DYM: variants seen among roughly 807,000 people sequenced by gnomAD.
The protein encoded by DYM is dymeclin.
A neutral mutation model predicts 93.1 loss-of-function variants in DYM; 78 were observed. That is an observed-to-expected ratio of 0.84 (90% CI 0.70 to 1.01). DYM has a LOEUF of 1.01. Ranked by LOEUF, DYM falls within the 50% of genes least tolerant of loss-of-function variation. The probability of loss-of-function intolerance (pLI) is 0.00; values close to 1 mark genes in which losing one functional copy is unlikely to be tolerated. For synonymous variants in DYM, 321 were observed against 319.7 expected, an observed-to-expected ratio of 1.00 and a Z score of -0.04; for missense variants, 789 against 845.0, an observed-to-expected ratio of 0.93 and a Z score of 0.82.
In DYM at chr18:49,297,618, T is replaced by C. The variant is rs533376209; in HGVS notation, c.764-11002A>G. Among the ~76,000 whole-genome samples, 3 of 152,348 alleles carry C rather than the reference T, an allele frequency of 2.0e-5. No individual in the cohort carries two copies. The South Asian group carries it at 6.2e-4, about 32-fold the overall frequency. On this transcript the variant is annotated intron_variant, in intron 8 of 17. Coordinates refer to ENST00000675505, the MANE Select transcript of DYM (RefSeq NM_001353214.3). The stretch of plus-strand genomic sequence containing the variant: ...TGTATCCCTTTTTGTAAAATGATTA[T>C]GATAATAATGATAATGGGTATATAT...
chr18:49,332,099 T>A, intron 7 of DYM, 93 bp from the exon 8 acceptor site: 1 of 1,268,814 alleles, frequency 7.9e-7, no homozygotes, highest in African/African-American at 1.5e-5. Flanking sequence ...ATTAACACTA[T>A]CTGTTAATAC....
At chr18:49,298,859 C>T (rs891234444) in intron 8 of DYM, among the ~76,000 whole-genome samples, 1 of 152,096 alleles carries the variant, frequency 6.6e-6, no homozygotes, top group African/African-American at 2.4e-5. Flanking sequence ...TTATGAGAAA[C>T]TTAGATGACG....
At chr18:49,382,546 A>G (rs568946091) in intron 3 of DYM, among the ~76,000 whole-genome samples, 2 of 152,286 alleles carry the variant, frequency 1.3e-5, no homozygotes, top group Admixed American at 6.5e-5. Flanking sequence ...AAGCTGAATG[A>G]GCTTCGGGAG....
intron 15 of DYM, among the ~76,000 whole-genome samples, chr18:49,122,337 G>C (rs1024586677): frequency 6.6e-6 from 1 of 152,182 alleles, no homozygotes; most frequent in Non-Finnish European, 1.5e-5. Context: ...CCAACAGCAG[G>C]TATACTTGTT....
At chr18:49,059,934 A>G (rs1031466615) in intron 17 of DYM, among the ~76,000 whole-genome samples, 5 of 152,228 alleles carry the variant, frequency 3.3e-5, no homozygotes, top group Non-Finnish European at 5.9e-5. Context: ...TAAACAGGTA[A>G]GAACATTTTA....
chr18:49,259,015 C>A (rs2094448786), intron 11 of DYM, among the ~76,000 whole-genome samples: 1 of 151,716 alleles, frequency 6.6e-6, no homozygotes. Context: ...CTCAGCCGAG[C>A]ACTAGAACTC....
At chr18:49,163,080 TC>T (rs1227761688) in intron 15 of DYM, among the ~76,000 whole-genome samples, 1 of 152,222 alleles carries the variant, frequency 6.6e-6, no homozygotes, top group Non-Finnish European at 1.5e-5. Flanking sequence ...TATAAAATCA[TC>T]CCTGCTTTTG....
At chr18:49,383,721 A>G (rs954732034) in intron 3 of DYM, among the ~76,000 whole-genome samples, 2 of 152,190 alleles carry the variant, frequency 1.3e-5, no homozygotes, top group African/African-American at 4.8e-5. Flanking sequence ...TGGTTCCTCA[A>G]TGAAATAGAC....
chr18:49,228,752 G>C (rs1412019788), intron 13 of DYM, among the ~76,000 whole-genome samples: 1 of 152,086 alleles, frequency 6.6e-6, no homozygotes, highest in African/African-American at 2.4e-5. Context: ...GTTGGATATA[G>C]GAAATGGGTG....
chr18:49,192,085 T>G (rs2091025690), intron 14 of DYM, among the ~76,000 whole-genome samples: 1 of 147,328 alleles, frequency 6.8e-6, no homozygotes. Flanking sequence ...TGTGCCACCA[T>G]GCCTGGCTAA....
chr18:49,236,491 T>TA (rs1433377358), intron 13 of DYM, among the ~76,000 whole-genome samples: 3 of 140,912 alleles, frequency 2.1e-5, no homozygotes, highest in Admixed American at 7.1e-5. Context: ...AAAAAAAAAA[T>TA]AAATAAATAA....
intron 5 of DYM, among the ~76,000 whole-genome samples, chr18:49,369,421 C>G (rs2066801211): frequency 6.6e-6 from 1 of 152,172 alleles, no homozygotes; most frequent in Non-Finnish European, 1.5e-5. Context: ...TCCAACCAAG[C>G]CTGAATGCCT....
chr18:49,392,501 A>G (rs958074460), intron 2 of DYM, among the ~76,000 whole-genome samples: 5 of 152,026 alleles, frequency 3.3e-5, no homozygotes, highest in African/African-American at 1.2e-4. Flanking sequence ...ACAACTCAAC[A>G]ACAACAAAAA....
At chr18:49,100,511 C>T (rs2080026344) in intron 16 of DYM, among the ~76,000 whole-genome samples, 1 of 152,104 alleles carries the variant, frequency 6.6e-6, no homozygotes, top group South Asian at 2.1e-4. Context: ...GCAGAGGAGG[C>T]ATGAAGCTGG....
At chr18:49,341,364 C>A (rs1052124577) in intron 6 of DYM, among the ~76,000 whole-genome samples, 1 of 151,902 alleles carries the variant, frequency 6.6e-6, no homozygotes, top group Non-Finnish European at 1.5e-5. Context: ...TGGTGGCAGG[C>A]ACCTGTAGTC....
chr18:49,305,403 G>A (rs892883588), intron 8 of DYM, among the ~76,000 whole-genome samples: 1 of 152,118 alleles, frequency 6.6e-6, no homozygotes, highest in Non-Finnish European at 1.5e-5. Flanking sequence ...AGTCCCTGGG[G>A]AAACCTATTG....
Position 49,172,151 on chromosome 18 carries a change from T to A in DYM, c.1626-8364A>T, listed in dbSNP as rs1037478269. ...CTTAGGTACTCTTTTGTGTCTGCCA[T>A]CTATCACTCAGCATAATGCTTTTCA... is the stretch of plus-strand genomic sequence containing the variant. On this transcript the variant is annotated intron_variant, in intron 14 of 17. Transcript: ENST00000675505. Among the ~76,000 whole-genome samples the A allele has an allele frequency of 2.6e-5, 4 of 152,344 alleles. No individual in the cohort carries two copies. The East Asian group carries it at 7.7e-4, about 29-fold the overall frequency.
intron 2 of DYM, among the ~76,000 whole-genome samples, chr18:49,423,786 A>G (rs1480117727): frequency 6.6e-6 from 1 of 152,242 alleles, no homozygotes; most frequent in Non-Finnish European, 1.5e-5. Context: ...CAAATAAACT[A>G]GAAAATCTAG....
chr18:49,441,314 A>G (rs1346643565), intron 1 of DYM, among the ~76,000 whole-genome samples: 1 of 73,476 alleles, frequency 1.4e-5, no homozygotes, highest in African/African-American at 5.6e-5. Context: ...TATAATTAAT[A>G]TATAATTATA....
Sources: allele counts gnomAD v4.1 joint callset (sites outside exome capture counted in the v4.1 genomes callset), GRCh38; gene constraint gnomAD v4.1.1; transcripts MANE v1.5; gene names NCBI Gene and HGNC (gene_info 2026-07-23, HGNC 2026-07-21).